The following IL19 variants were observed in gnomAD, a reference collection of about 807,000 sequenced individuals.
IL19 encodes interleukin-19.
Under a neutral mutation model 19.5 loss-of-function variants are expected in IL19, and 15 were observed. The observed-to-expected ratio is 0.77, with a 90% CI of 0.52 to 1.19. The LOEUF is 1.19. Among genes scored for constraint, IL19 ranks in the 50% most tolerant of loss-of-function variants. The pLI is 0.00. For missense variants in IL19, 199 were observed against 213.1 expected (o/e 0.93, Z 0.41); for synonymous variants, 78 against 78.3 (o/e 1.00, Z 0.02).
At chr1:206,771,439 T>C (rs1280123253) in intron 1 of IL19, 2 of 1,583,622 alleles carry the variant, frequency 1.3e-6, no homozygotes, top group African/African-American at 1.3e-5. Flanking sequence ...AAAAGGAGAA[T>C]GAACTTGAGG....
chr1:206,821,767 C>T (rs1676295155), intron 2 of IL19, among the ~76,000 whole-genome samples: 2 of 152,338 alleles, frequency 1.3e-5, no homozygotes, highest in South Asian at 4.1e-4. Context: ...GGACAGAGTG[C>T]TCTGGTATGC....
chr1:206,776,959 C>T (rs1558604864), intron 1 of IL19, among the ~76,000 whole-genome samples: 3 of 147,778 alleles, frequency 2.0e-5, no homozygotes, highest in South Asian at 4.3e-4. Context: ...TTGTCGGGCA[C>T]GGTGGCTCAC....
At chr1:206,814,427 A>G (rs987649126) in intron 2 of IL19, among the ~76,000 whole-genome samples, 4 of 150,242 alleles carry the variant, frequency 2.7e-5, no homozygotes, top group Non-Finnish European at 5.9e-5. Flanking sequence ...GTGGTGGCTC[A>G]CACCTGTAAT....
intron 2 of IL19, among the ~76,000 whole-genome samples, chr1:206,830,365 AC>A (rs1676559922): frequency 6.6e-6 from 1 of 152,232 alleles, no homozygotes; most frequent in Non-Finnish European, 1.5e-5. Context: ...AGATAAAAAA[AC>A]AAAAACAAAA....
chr1:206,841,647 A>G (rs762520624), intron 6 of IL19, among the ~76,000 whole-genome samples: 1 of 152,246 alleles, frequency 6.6e-6, no homozygotes, highest in African/African-American at 2.4e-5. Flanking sequence ...TCACACTGTC[A>G]AATGATACCA....
Position 206,839,993 on chromosome 1 carries a change from G to A in IL19, c.354G>A (p.Leu118=). 1 of 1,614,170 alleles carries A rather than the reference G, an allele frequency of 6.2e-7. No individual in the cohort carries two copies. Among genetic ancestry groups the A allele is most frequent in the Non-Finnish European group, 8.5e-7 (1 of 1,180,030 alleles). ...CTTTCCTCTACATGCAGAAAACTCT[G>A]CGGCAATGTGTGAGTCACTGGGTCA... The part of the protein sequence containing the change: ...ANSFLYMQKT[L]RQCQEQRQCH... The change falls in exon 5 of 7, where the codon CTG becomes CTA. Residue 118 remains leucine (L), a synonymous_variant. Coordinates refer to ENST00000659997, the MANE Select transcript of IL19 (RefSeq NM_153758.5).
intron 2 of IL19, among the ~76,000 whole-genome samples, chr1:206,831,351 A>G (rs911139887): frequency 2.0e-5 from 3 of 152,178 alleles, no homozygotes; most frequent in Non-Finnish European, 2.9e-5. Context: ...TGATATCTCA[A>G]TGGTGGGTCC....
intron 2 of IL19, among the ~76,000 whole-genome samples, chr1:206,805,374 T>C (rs570562802): frequency 4.6e-5 from 7 of 152,334 alleles, no homozygotes; most frequent in Non-Finnish European, 8.8e-5. Flanking sequence ...AGGAAAATCA[T>C]TGAGCTGAAA....
At chr1:206,772,553 A>C (rs1392441011) in intron 1 of IL19, 20 of 928,570 alleles carry the variant, frequency 2.2e-5, no homozygotes, top group Non-Finnish European at 3.2e-5. Flanking sequence ...CTCTTCATTC[A>C]TTAAAAAGCC....
intron 2 of IL19, among the ~76,000 whole-genome samples, chr1:206,827,025 G>T (rs143162641): frequency 6.6e-6 from 1 of 152,310 alleles, no homozygotes; most frequent in African/African-American, 2.4e-5. Context: ...AAGAAGTGCC[G>T]TTGTGATACG....
intron 1 of IL19, among the ~76,000 whole-genome samples, chr1:206,787,573 G>C (rs1471133435): frequency 6.6e-6 from 1 of 152,126 alleles, no homozygotes; most frequent in Non-Finnish European, 1.5e-5. Context: ...CCTGGGTTTC[G>C]GTCTTTCTTC....
At chr1:206,777,515 A>T (rs903231964) in intron 1 of IL19, among the ~76,000 whole-genome samples, 25 of 152,178 alleles carry the variant, frequency 1.6e-4, no homozygotes, top group African/African-American at 5.6e-4. Flanking sequence ...CTGCAGCTCA[A>T]ACCCAAGAGT....
intron 2 of IL19, among the ~76,000 whole-genome samples, chr1:206,823,709 G>T (rs1676354722): frequency 6.6e-6 from 1 of 151,946 alleles, no homozygotes; most frequent in Admixed American, 6.6e-5. Flanking sequence ...TTTTCTAATG[G>T]CTGAGAAAAG....
intron 2 of IL19, among the ~76,000 whole-genome samples, chr1:206,810,271 G>A (rs1675968954): frequency 6.6e-6 from 1 of 152,184 alleles, no homozygotes; most frequent in Non-Finnish European, 1.5e-5. Flanking sequence ...GCTAGCTCTT[G>A]TAACTGGAAG....
chr1:206,818,432 G>C (rs956243160), intron 2 of IL19, among the ~76,000 whole-genome samples: 1 of 152,002 alleles, frequency 6.6e-6, no homozygotes, highest in Admixed American at 6.5e-5. Flanking sequence ...GTTGAAACCA[G>C]ACAAAAAAGA....
At chr1:206,794,868 A>G (rs1036164231) in intron 1 of IL19, among the ~76,000 whole-genome samples, 3 of 152,174 alleles carry the variant, frequency 2.0e-5, no homozygotes. Context: ...ATTTCTGCCC[A>G]TGGCACTCAT....
intron 2 of IL19, among the ~76,000 whole-genome samples, chr1:206,814,356 G>A (rs1676092870): frequency 6.6e-6 from 1 of 151,506 alleles, no homozygotes; most frequent in South Asian, 2.1e-4. Context: ...TTAACACATA[G>A]AGCAGGTAAA....
At position 206,834,147 on chromosome 1, in the gene IL19, T is replaced by A. The variant is rs559672819; in HGVS notation, c.-2-2514T>A. The A allele has an allele frequency of 5.1e-6, 5 of 985,564 alleles. No homozygotes were observed. The African/African-American group carries it at 8.7e-5, about 17-fold the overall frequency. The allele number at this position is 985,564 out of a possible 1,614,324, so 61.1% of individuals were successfully genotyped here. On this transcript the variant is annotated intron_variant, in intron 2 of 6. Coordinates refer to ENST00000659997, the MANE Select transcript of IL19 (RefSeq NM_153758.5). ...GAGTTTATTTTTCCTAGAAGCTGCA[T>A]GTCAAGACCCAGAAGAAAGAGGCAT...
At chr1:206,823,053 C>T (rs1036898076) in intron 2 of IL19, among the ~76,000 whole-genome samples, 1 of 151,944 alleles carries the variant, frequency 6.6e-6, no homozygotes, top group African/African-American at 2.4e-5. Flanking sequence ...TCTCAGCCTC[C>T]TGAGTAGCTG....
Sources: gnomAD v4.1 joint callset for allele counts (sites outside exome capture counted in the v4.1 genomes callset) on GRCh38, gnomAD v4.1.1 for gene constraint, MANE v1.5 for transcripts, NCBI Gene and HGNC (gene_info 2026-07-23, HGNC 2026-07-21) for gene names.